DUSP22: variants seen among roughly 807,000 people sequenced by gnomAD.
DUSP22 encodes the protein dual specificity phosphatase 22.
DUSP22 carries 24 observed loss-of-function variants against 24.5 expected under a neutral mutation model. The observed-to-expected ratio is 0.98, with a 90% CI of 0.71 to 1.38. The LOEUF (loss-of-function observed/expected upper bound fraction) is 1.38. DUSP22 is among the 40% of genes most tolerant of loss of function. DUSP22 has a pLI of 0.00. For synonymous variants in DUSP22, 160 were observed against 106.4 expected (o/e 1.50, Z -3.10); for missense variants, 330 against 269.2 (o/e 1.23, Z -1.58).
At chr6:336,637 T>G (rs1581183663) in intron 4 of DUSP22, among the ~76,000 whole-genome samples, 1 of 152,306 alleles carries the variant, frequency 6.6e-6, no homozygotes, top group Non-Finnish European at 1.5e-5. Context: ...GGTGGGAAGC[T>G]GGAGCCACTG....
At chr6:332,918 C>T (rs1193230208) in intron 3 of DUSP22, among the ~76,000 whole-genome samples, 3 of 152,420 alleles carry the variant, frequency 2.0e-5, no homozygotes, top group Admixed American at 6.5e-5. Flanking sequence ...CTGGACTGAT[C>T]GACTGCCAAC....
intron 3 of DUSP22, among the ~76,000 whole-genome samples, chr6:327,810 G>T (rs1330166423): frequency 6.6e-6 from 1 of 152,308 alleles, no homozygotes; most frequent in Non-Finnish European, 1.5e-5. Flanking sequence ...GACTTGGCAG[G>T]ATGGCCGGGA....
rs553750889 is a variant in DUSP22, at chr6:350,849, C to T, written c.*1898C>T. 1.8e-5 allele frequency: 29 copies of T among 1,614,252 alleles called. No individual in the cohort carries two copies. The highest frequency in any genetic ancestry group is 2.4e-5 in the Non-Finnish European group (28 of 1,180,008). On this transcript the variant is annotated 3_prime_UTR_variant, in exon 7 of 7. Coordinates refer to ENST00000419235, the MANE Select transcript of DUSP22 (RefSeq NM_001286555.3). ...GCTCCGGGAATTCTGAAGTTCTGGG[C>T]CTTTCTCAGAAGACTGTAATGTACC... is the stretch of plus-strand genomic sequence containing the variant.
At chr6:310,519 G>C (rs1298705555) in intron 2 of DUSP22, among the ~76,000 whole-genome samples, 1 of 152,304 alleles carries the variant, frequency 6.6e-6, no homozygotes, top group Non-Finnish European at 1.5e-5. Context: ...CTGATAGACA[G>C]TTCTGTTTGG....
Position 349,075 on chromosome 6 carries a change from G to C in DUSP22, c.*124G>C. On this transcript the variant is annotated 3_prime_UTR_variant, in exon 7 of 7. Transcript: ENST00000419235. ...ATAGCCAGGGCGAGGTGGGGCGAGG[G>C]CTCCTTCCCCCAAGCAACACCGCCC... 2.0e-6 allele frequency: 3 copies of C among 1,473,956 alleles called. No individual in the cohort carries two copies. Among genetic ancestry groups the C allele is most frequent in the Non-Finnish European group, 2.7e-6 (3 of 1,113,622 alleles). The allele number at this position is 1,473,956 out of a possible 1,614,324, so 91.3% of individuals were successfully genotyped here. A position where few individuals can be genotyped will look rare whatever the true frequency, so the allele number is the denominator to read the frequency against.
chr6:338,588 C>T (rs534921014), intron 4 of DUSP22, among the ~76,000 whole-genome samples: 25 of 152,422 alleles, frequency 1.6e-4, no homozygotes, highest in Admixed American at 9.1e-4. Flanking sequence ...TCTTACCTGT[C>T]ACTTGGAAAC....
intron 3 of DUSP22, among the ~76,000 whole-genome samples, chr6:324,348 G>A (rs112375104): frequency 5.3e-5 from 8 of 152,300 alleles, no homozygotes; most frequent in Non-Finnish European, 5.9e-5. Flanking sequence ...GCAGTGACCC[G>A]CTCATCCTTA....
rs1757735113 is a variant in DUSP22, at chr6:304,561, G to A, written c.22-67G>A. 3.7e-6 allele frequency: 6 copies of A among 1,607,846 alleles called. No individual in the cohort carries two copies. In the Admixed American group the frequency reaches 1.0e-4, roughly 27 times the overall value. ...TGCAGGGATCCTGCTGCTGGATGAG[G>A]CCCCCTTCTGCAATACCATCCACTT... On this transcript the variant is annotated intron_variant, in intron 1 of 6. Transcript: ENST00000419235.
chr6:328,182 C>G (rs889014789), intron 3 of DUSP22, among the ~76,000 whole-genome samples: 19 of 152,304 alleles, frequency 1.2e-4, no homozygotes, highest in Non-Finnish European at 1.5e-5. Context: ...AGTAATACCA[C>G]GGAATGCCTT....
At chr6:302,299 C>G (rs1178905757) in intron 1 of DUSP22, among the ~76,000 whole-genome samples, 1 of 152,312 alleles carries the variant, frequency 6.6e-6, no homozygotes, top group African/African-American at 2.4e-5. Flanking sequence ...TTTCATGGCA[C>G]CTAACTTGGA....
chr6:347,144 C>T (rs1263882749), intron 5 of DUSP22, among the ~76,000 whole-genome samples: 6 of 152,296 alleles, frequency 3.9e-5, no homozygotes, highest in Admixed American at 3.9e-4. Flanking sequence ...CACTCCTGGG[C>T]TTCTCCTGGC....
chr6:344,956 G>C (rs1759785800), intron 4 of DUSP22, among the ~76,000 whole-genome samples: 1 of 152,310 alleles, frequency 6.6e-6, no homozygotes, highest in South Asian at 2.1e-4. Context: ...GTGCTGCTGG[G>C]GCATTGAGGG....
intron 5 of DUSP22, among the ~76,000 whole-genome samples, 153 bp downstream of exon 5, chr6:346,081 G>A (rs552408339): frequency 4.6e-5 from 7 of 152,408 alleles, no homozygotes; most frequent in Admixed American, 1.3e-4. Context: ...GTCCAGCGCT[G>A]TGTGTTAGTC....
chr6:335,599 A>G (rs1287541110), intron 4 of DUSP22, among the ~76,000 whole-genome samples: 2 of 152,310 alleles, frequency 1.3e-5, no homozygotes, highest in African/African-American at 4.8e-5. Context: ...GAAACAGACA[A>G]CATTAATTCT....
At chr6:347,174 C>T (rs1759925041) in intron 5 of DUSP22, among the ~76,000 whole-genome samples, 1 of 152,298 alleles carries the variant, frequency 6.6e-6, no homozygotes, top group African/African-American at 2.4e-5. Context: ...AGGTGAATCT[C>T]CAGGGTTGCA....
At chr6:323,903 C>T (rs1308241559) in intron 3 of DUSP22, among the ~76,000 whole-genome samples, 9 of 152,298 alleles carry the variant, frequency 5.9e-5, no homozygotes, top group Non-Finnish European at 7.3e-5. Context: ...GGAAGCAGTT[C>T]GAAGTCTCCT....
intron 3 of DUSP22, among the ~76,000 whole-genome samples, chr6:316,130 A>G (rs756886445): frequency 6.6e-6 from 1 of 152,304 alleles, no homozygotes; most frequent in Non-Finnish European, 1.5e-5. Context: ...GAGTCCAGCA[A>G]GGTGGATGGT....
At chr6:327,294 C>T (rs981755781) in intron 3 of DUSP22, among the ~76,000 whole-genome samples, 9 of 152,306 alleles carry the variant, frequency 5.9e-5, no homozygotes, top group Non-Finnish European at 1.3e-4. Flanking sequence ...GGAGCGTGCA[C>T]TCACCACGTC....
intron 1 of DUSP22, among the ~76,000 whole-genome samples, chr6:297,317 C>T (rs1423756071): frequency 6.6e-6 from 1 of 152,424 alleles, no homozygotes; most frequent in East Asian, 1.9e-4. Flanking sequence ...TTTATTAGAA[C>T]ACATTTTTCC....
Sources: gnomAD v4.1 joint callset for allele counts (sites outside exome capture counted in the v4.1 genomes callset) on GRCh38, gnomAD v4.1.1 for gene constraint, MANE v1.5 for transcripts, NCBI Gene and HGNC (gene_info 2026-07-23, HGNC 2026-07-21) for gene names.